The following ZMAT3 variants were observed in gnomAD, a reference collection of about 807,000 sequenced individuals.
The protein encoded by ZMAT3 is zinc finger matrin-type protein 3.
Under a neutral mutation model 32.3 loss-of-function variants are expected in ZMAT3, and 17 were observed. The observed-to-expected ratio is 0.53, with a 90% CI of 0.36 to 0.79. The LOEUF (loss-of-function observed/expected upper bound fraction) is 0.79, where lower values mean the gene tolerates loss of function less well. Among genes scored for constraint, ZMAT3 ranks in the 30% least tolerant of loss-of-function variants. The pLI, the probability that ZMAT3 is intolerant of heterozygous loss-of-function variation, is 0.00. For synonymous variants in ZMAT3, 120 were observed against 133.1 expected (o/e 0.90, Z 0.68); for missense variants, 329 against 359.7 (o/e 0.91, Z 0.69).
chr3:179,022,536 A>G lies in ZMAT3; in HGVS notation c.*2481T>C, dbSNP rs1274908483. 2 of 152,004 alleles carry G rather than the reference A, an allele frequency of 1.3e-5. No homozygotes were observed. Among genetic ancestry groups the G allele is most frequent in the Non-Finnish European group, 2.9e-5 (2 of 67,984 alleles). The allele number at this position is 152,004 out of a possible 1,614,324, so 9.4% of individuals were successfully genotyped here. On this transcript the variant is annotated 3_prime_UTR_variant, in exon 6 of 6. Transcript: ENST00000311417. ...CTATAATGTTAAAATTAACCAAAAA[A>G]TTATATTTAGCAGCAAAATGAATAA...
chr3:179,030,566 T>C (rs915734973), intron 3 of ZMAT3, among the ~76,000 whole-genome samples: 1 of 152,098 alleles, frequency 6.6e-6, no homozygotes, highest in Non-Finnish European at 1.5e-5. Flanking sequence ...GTGTTAGCCA[T>C]GATGGTCTCG....
rs185920132 is a variant in ZMAT3, at chr3:179,044,576, G to A, written c.271-13577C>T. Among the ~76,000 whole-genome samples, 246 of 152,148 alleles carry A rather than the reference G, an allele frequency of 1.6e-3. 4 individuals are homozygous for A. Among genetic ancestry groups the A allele is most frequent in the African/African-American group, 5.5e-3 (230 of 41,504 alleles). On this transcript the variant is annotated intron_variant, in intron 2 of 5. Transcript: ENST00000311417. Reference sequence around the variant, plus strand: ...GGAGAATGGCATGAACCCAGGAGGCGGAGCTTGCAGTGAGCCAAGATTGCA... The same window carrying A: ...GGAGAATGGCATGAACCCAGGAGGCAGAGCTTGCAGTGAGCCAAGATTGCA...
chr3:179,037,314 C>G (rs1036866221), intron 2 of ZMAT3, among the ~76,000 whole-genome samples: 4 of 152,144 alleles, frequency 2.6e-5, no homozygotes, highest in African/African-American at 9.7e-5. Flanking sequence ...AATCTTGGGA[C>G]TCCCCGGATG....
intron 2 of ZMAT3, among the ~76,000 whole-genome samples, chr3:179,047,289 C>T (rs1720291713): frequency 6.6e-6 from 1 of 152,180 alleles, no homozygotes; most frequent in South Asian, 2.1e-4. Context: ...CAGTAAGCCC[C>T]ATCCTAGAGG....
At chr3:179,044,286 G>A (rs370354003) in intron 2 of ZMAT3, among the ~76,000 whole-genome samples, 23 of 152,180 alleles carry the variant, frequency 1.5e-4, no homozygotes, top group East Asian at 3.9e-4. Flanking sequence ...TGTTTATTGC[G>A]GCACTATTCA....
chr3:179,056,356 G>T (rs1478288997), intron 2 of ZMAT3, among the ~76,000 whole-genome samples: 2 of 151,940 alleles, frequency 1.3e-5, no homozygotes, highest in African/African-American at 2.4e-5. Flanking sequence ...CTTTAGTCAT[G>T]GCCCTCAGGC....
Position 179,067,631 on chromosome 3 carries a change from T to G in ZMAT3, c.122A>C (p.Gln41Pro). The change falls in exon 2 of 6, where the codon CAG becomes CCG. Residue 41 changes from glutamine to proline, a missense_variant. Transcript: ENST00000311417. Reference sequence around the variant, plus strand: ...CCCTGCAAGAGGCAAGGAAGCCTCCTGCCCAAAAGGCTTCTGTGGTGGAAG... The same window carrying G: ...CCCTGCAAGAGGCAAGGAAGCCTCCGGCCCAAAAGGCTTCTGTGGTGGAAG... ...LQLPPQKPFGQEASLPLAGEE... is the reference protein window; with the variant it reads ...LQLPPQKPFGPEASLPLAGEE... 1 of 1,614,204 alleles carries G rather than the reference T, an allele frequency of 6.2e-7. No individual in the cohort carries two copies. Among genetic ancestry groups the G allele is most frequent in the Non-Finnish European group, 8.5e-7 (1 of 1,180,030 alleles).
chr3:179,037,135 C>T (rs532263048), intron 2 of ZMAT3, among the ~76,000 whole-genome samples: 1 of 152,246 alleles, frequency 6.6e-6, no homozygotes, highest in South Asian at 2.1e-4. Flanking sequence ...TACCTTATTC[C>T]TCTTATTCCT....
intron 2 of ZMAT3, among the ~76,000 whole-genome samples, chr3:179,057,172 T>C (rs1720891554): frequency 6.6e-6 from 1 of 152,180 alleles, no homozygotes. Context: ...CAATAGCCCC[T>C]GCAATACTCC....
chr3:179,040,913 A>G (rs1719886207), intron 2 of ZMAT3, among the ~76,000 whole-genome samples: 1 of 152,112 alleles, frequency 6.6e-6, no homozygotes, highest in Admixed American at 6.5e-5. Flanking sequence ...AAAAAAAAAA[A>G]AAAGCAGGGG....
chr3:179,044,726 T>G (rs1219173238), intron 2 of ZMAT3, among the ~76,000 whole-genome samples: 5 of 152,292 alleles, frequency 3.3e-5, no homozygotes, highest in Admixed American at 3.3e-4. Context: ...TCATGTCCTT[T>G]GCAGGGACAT....
intron 3 of ZMAT3, 71 bp from the exon 4 acceptor site, chr3:179,027,883 T>G: frequency 6.8e-7 from 1 of 1,480,162 alleles, no homozygotes; most frequent in Non-Finnish European, 9.0e-7. Flanking sequence ...CTCAAAGGTC[T>G]TTCTAAGAGC....
rs145821860 is a variant in ZMAT3 at position 179,020,327 on chromosome 3, A to T, written c.*4690T>A. On this transcript the variant is annotated 3_prime_UTR_variant, in exon 6 of 6. Coordinates refer to ENST00000311417, the MANE Select transcript of ZMAT3 (RefSeq NM_022470.4). Reference sequence around the variant, plus strand: ...CCATTCATAACGGGAAGAAAAAGTCAAACAGCTATCAGTAGAAGCGTTTTA... The same window carrying T: ...CCATTCATAACGGGAAGAAAAAGTCTAACAGCTATCAGTAGAAGCGTTTTA... 115 of 152,336 alleles carry T rather than the reference A, an allele frequency of 7.5e-4. No individual in the cohort carries two copies. Among genetic ancestry groups the T allele is most frequent in the African/African-American group, 2.6e-3 (110 of 41,590 alleles). The allele number at this position is 152,336 out of a possible 1,614,324, so 9.4% of individuals were successfully genotyped here.
intron 1 of ZMAT3, among the ~76,000 whole-genome samples, chr3:179,069,389 T>C (rs1576884411): frequency 6.6e-6 from 1 of 152,110 alleles, no homozygotes; most frequent in Non-Finnish European, 1.5e-5. Context: ...TGAACCACAG[T>C]ACACCCTTTG....
chr3:179,053,547 C>T (rs1720682047), intron 2 of ZMAT3, among the ~76,000 whole-genome samples: 1 of 152,278 alleles, frequency 6.6e-6, no homozygotes, highest in African/African-American at 2.4e-5. Flanking sequence ...CCCCATATAA[C>T]ATTTGTTGAA....
Position 179,024,852 on chromosome 3 carries a change from G to A in ZMAT3, c.*165C>T, listed in dbSNP as rs1576833564. On this transcript the variant is annotated 3_prime_UTR_variant, in exon 6 of 6. Transcript: ENST00000311417. ...CTTCACACCCACCTCCCCCCGCCCC[G>A]CCCCCGGGCCCCCAGGTTTTGACAT... 15 of 326,022 alleles carry A rather than the reference G, an allele frequency of 4.6e-5. No homozygotes were observed. Among genetic ancestry groups the A allele is most frequent in the South Asian group, 2.9e-4 (11 of 37,994 alleles). The allele number at this position is 326,022 out of a possible 1,614,324, so 20.2% of individuals were successfully genotyped here.
chr3:179,053,208 T>C (rs1720661209), intron 2 of ZMAT3, among the ~76,000 whole-genome samples: 1 of 150,396 alleles, frequency 6.6e-6, no homozygotes, highest in South Asian at 2.1e-4. Flanking sequence ...ATATAAAATA[T>C]ATCTAGATAT....
intron 2 of ZMAT3, among the ~76,000 whole-genome samples, chr3:179,059,058 T>C (rs1721016234): frequency 6.6e-6 from 1 of 152,284 alleles, no homozygotes; most frequent in Admixed American, 6.5e-5. Context: ...GAGATTGTTA[T>C]TGGCTGTACA....
At chr3:179,040,295 T>C (rs923308164) in intron 2 of ZMAT3, among the ~76,000 whole-genome samples, 1 of 151,942 alleles carries the variant, frequency 6.6e-6, no homozygotes, top group Non-Finnish European at 1.5e-5. Context: ...TTCACCACGG[T>C]TGAAATGAAG....
Sources: gnomAD v4.1 joint callset for allele counts (sites outside exome capture counted in the v4.1 genomes callset) on GRCh38, gnomAD v4.1.1 for gene constraint, MANE v1.5 for transcripts, NCBI Gene and HGNC (gene_info 2026-07-23, HGNC 2026-07-21) for gene names.